The following CTCF variants were observed in gnomAD, a reference collection of about 807,000 sequenced individuals.
CTCF encodes the protein transcriptional repressor CTCF.
CTCF carries 7 observed loss-of-function variants against 72.3 expected under a neutral mutation model. That is an observed-to-expected ratio of 0.10 (90% CI 0.06 to 0.18). The LOEUF (loss-of-function observed/expected upper bound fraction) is 0.18, where lower values mean the gene tolerates loss of function less well. Among genes scored for constraint, CTCF ranks in the 10% least tolerant of loss-of-function variants. The pLI, the probability that CTCF is intolerant of heterozygous loss-of-function variation, is 1.00. For synonymous variants in CTCF, 374 were observed against 315.8 expected, an observed-to-expected ratio of 1.18 and a Z score of -1.95; for missense variants, 516 against 949.1, an observed-to-expected ratio of 0.54 and a Z score of 6.00.
intron 2 of CTCF, among the ~76,000 whole-genome samples, chr16:67,598,629 G>C (rs1240486681): frequency 2.0e-5 from 3 of 152,164 alleles, no homozygotes; most frequent in African/African-American, 7.2e-5. Context: ...TTGAAGAAAA[G>C]CTTTTCCAAG....
At chr16:67,621,656 G>C in intron 7 of CTCF, 65 bp downstream of exon 7, 1 of 1,242,494 alleles carries the variant, frequency 8.0e-7, no homozygotes, top group African/African-American at 1.5e-5. Context: ...CGAAATATGG[G>C]GATCAAAAAT....
Position 67,579,021 on chromosome 16 carries a change from A to G in CTCF, c.-10+7757A>G, listed in dbSNP as rs970498619. Reference sequence around the variant, plus strand: ...TGTAATCCCAGCACTTTGGGAGGCCAAGGTGCGTGGATCACCTGAGGTCAG... The same window carrying G: ...TGTAATCCCAGCACTTTGGGAGGCCGAGGTGCGTGGATCACCTGAGGTCAG... On this transcript the variant is annotated intron_variant, in intron 2 of 11. Transcript: ENST00000264010. Among the ~76,000 whole-genome samples the G allele has an allele frequency of 8.7e-5, 13 of 148,636 alleles. No individual in the cohort carries two copies. In the East Asian group the frequency reaches 1.3e-3, roughly 15 times the overall value.
chr16:67,619,422 C>T (rs114137426), intron 5 of CTCF, among the ~76,000 whole-genome samples: 5,031 of 151,684 alleles, frequency 0.033, 131 homozygotes, highest in South Asian at 0.061. Flanking sequence ...GGCAACGGAG[C>T]GAGATTTCAT....
chr16:67,613,306 C>A (rs951004960), intron 4 of CTCF, among the ~76,000 whole-genome samples: 1 of 152,080 alleles, frequency 6.6e-6, no homozygotes, highest in Non-Finnish European at 1.5e-5. Flanking sequence ...TAATGACAAC[C>A]CTTGTTTTAG....
intron 2 of CTCF, among the ~76,000 whole-genome samples, chr16:67,580,989 C>T (rs914214934): frequency 5.9e-5 from 9 of 151,944 alleles, no homozygotes; most frequent in Middle Eastern, 3.2e-3. Flanking sequence ...AGTGCAGTGG[C>T]GCTATCTTGG....
At chr16:67,575,227 T>G (rs2051479970) in intron 2 of CTCF, among the ~76,000 whole-genome samples, 2 of 152,148 alleles carry the variant, frequency 1.3e-5, no homozygotes, top group African/African-American at 4.8e-5. Context: ...TCATTCAGCC[T>G]GGGTGACAGA....
intron 10 of CTCF, among the ~76,000 whole-genome samples, chr16:67,636,142 G>T (rs1441893206): frequency 6.6e-6 from 1 of 152,230 alleles, no homozygotes; most frequent in African/African-American, 2.4e-5. Flanking sequence ...TTGGGAGGCC[G>T]AGGCAGGTGG....
intron 1 of CTCF, among the ~76,000 whole-genome samples, chr16:67,567,430 T>C (rs1455535704): frequency 6.6e-6 from 1 of 152,194 alleles, no homozygotes; most frequent in Non-Finnish European, 1.5e-5. Context: ...CTAAATATGC[T>C]AATCACCTAT....
chr16:67,586,820 G>T (rs996907532), intron 2 of CTCF, among the ~76,000 whole-genome samples: 2 of 151,884 alleles, frequency 1.3e-5, no homozygotes, highest in Non-Finnish European at 2.9e-5. Flanking sequence ...TTGAGACAGG[G>T]TCTCACTTTC....
At chr16:67,576,140 TAAAAAAAAAAAAA>T (rs561098313) in intron 2 of CTCF, among the ~76,000 whole-genome samples, 1 of 91,904 alleles carries the variant, frequency 1.1e-5, no homozygotes, top group Non-Finnish European at 2.2e-5. Context: ...GACCCTGTCT[TAAAAAAAAAAAAA>T]AAAAAAAAAC....
At chr16:67,631,172 GT>G (rs367618037) in intron 10 of CTCF, among the ~76,000 whole-genome samples, 3 of 121,434 alleles carry the variant, frequency 2.5e-5, no homozygotes, top group African/African-American at 3.3e-5. Flanking sequence ...TTTGTTTTTT[GT>G]TTTTTTTTTG....
At chr16:67,604,730 G>GTTTTTTTTTTTTTT (rs533827293) in intron 2 of CTCF, among the ~76,000 whole-genome samples, 50 of 123,680 alleles carry the variant, frequency 4.0e-4, no homozygotes, top group African/African-American at 5.7e-4. Context: ...TTTCACCAGG[G>GTTTTTTTTTTTTTT]TTTTTTTTTT....
chr16:67,626,759 G>C (rs1219528874), intron 8 of CTCF, 44 bp downstream of exon 8: 3 of 1,347,374 alleles, frequency 2.2e-6, no homozygotes. Flanking sequence ...CTCGGTGTCT[G>C]GTGTTATCAG....
At chr16:67,579,890 G>A (rs1218051232) in intron 2 of CTCF, among the ~76,000 whole-genome samples, 3 of 152,180 alleles carry the variant, frequency 2.0e-5, no homozygotes, top group East Asian at 3.9e-4. Flanking sequence ...GAAGTTCAGT[G>A]TGATTAGAGG....
chr16:67,600,476 C>T (rs1417701193), intron 2 of CTCF, among the ~76,000 whole-genome samples: 1 of 152,054 alleles, frequency 6.6e-6, no homozygotes, highest in Non-Finnish European at 1.5e-5. Flanking sequence ...GGGATCTGCC[C>T]ACCTCAGCCT....
chr16:67,611,564 A>G lies in CTCF; in HGVS notation c.732A>G (p.Lys244=), dbSNP rs753101673. Reference sequence around the variant, plus strand: ...TGCTATCAGAGGTTAATGCAGAGAAAGTGGTTGGTAATATGAAGCCTCCAA... The same window carrying G: ...TGCTATCAGAGGTTAATGCAGAGAAGGTGGTTGGTAATATGAAGCCTCCAA... The part of the protein sequence containing the change: ...EGLLSEVNAE[K]VVGNMKPPKP... The change falls in exon 3 of 12, where the codon AAA becomes AAG. Residue 244 remains lysine (K), a synonymous_variant. Coordinates refer to ENST00000264010, the MANE Select transcript of CTCF (RefSeq NM_006565.4). 3.3e-5 allele frequency: 54 copies of G among 1,614,112 alleles called. No homozygotes were observed. The highest frequency in any genetic ancestry group is 4.4e-5 in the Non-Finnish European group (52 of 1,180,048).
rs1280388149 is a variant in CTCF, at chr16:67,611,106, G to A, written c.274G>A (p.Asp92Asn). ...TCCAGAAGCAGAGGCTGCTGTGGAC[G>A]ATACCCAGATTATAACTTTACAGGT... ...VAPEAEAAVDDTQIITLQVVN... is the reference protein window; with the variant it reads ...VAPEAEAAVDNTQIITLQVVN... Residue 92 changes from aspartate (D) to asparagine (N), a missense_variant, in exon 3 of 12, where the codon GAT (aspartate) becomes AAT (asparagine). Coordinates refer to ENST00000264010, the MANE Select transcript of CTCF (RefSeq NM_006565.4). The A allele has an allele frequency of 2.5e-6, 4 of 1,614,148 alleles. No homozygotes were observed. Among genetic ancestry groups the A allele is most frequent in the East Asian group, 2.2e-5 (1 of 44,886 alleles).
chr16:67,609,612 G>A (rs1279584465), intron 2 of CTCF, among the ~76,000 whole-genome samples: 1 of 151,614 alleles, frequency 6.6e-6, no homozygotes, highest in African/African-American at 2.4e-5. Flanking sequence ...TGACATCTTG[G>A]GCCTGATAAT....
intron 10 of CTCF, among the ~76,000 whole-genome samples, chr16:67,632,359 T>C (rs1483862397): frequency 6.6e-6 from 1 of 152,220 alleles, no homozygotes; most frequent in Non-Finnish European, 1.5e-5. Context: ...TATTGATAGC[T>C]TCTGATAGAT....
Sources: gnomAD v4.1 joint callset for allele counts (sites outside exome capture counted in the v4.1 genomes callset) on GRCh38, gnomAD v4.1.1 for gene constraint, MANE v1.5 for transcripts, NCBI Gene and HGNC (gene_info 2026-07-23, HGNC 2026-07-21) for gene names.